The following NR5A2 variants were observed in gnomAD, a reference collection of about 807,000 sequenced individuals.
NR5A2 encodes CYP7A promoter-binding factor.
NR5A2 carries 26 observed loss-of-function variants against 62.7 expected under a neutral mutation model. The ratio of observed to expected loss-of-function variants is 0.41; its 90% confidence interval spans 0.30 to 0.58. The LOEUF (loss-of-function observed/expected upper bound fraction) is 0.58. Ranked by LOEUF, NR5A2 falls within the 20% of genes least tolerant of loss-of-function variation. NR5A2 has a pLI of 0.22. For synonymous variants in NR5A2, 246 were observed against 241.7 expected (o/e 1.02, Z -0.16); for missense variants, 541 against 669.1 (o/e 0.81, Z 2.11).
intron 7 of NR5A2, among the ~76,000 whole-genome samples, chr1:200,124,764 C>T (rs1248469904): frequency 6.6e-6 from 1 of 151,856 alleles, no homozygotes; most frequent in African/African-American, 2.4e-5. Flanking sequence ...CATAGGGAGA[C>T]CCCATCTCTA....
intron 5 of NR5A2, among the ~76,000 whole-genome samples, chr1:200,070,120 G>T (rs1282523476): frequency 6.6e-6 from 1 of 152,036 alleles, no homozygotes. Flanking sequence ...AATTGTGCAG[G>T]GTAGTAGTTT....
chr1:200,086,572 G>A, intron 5 of NR5A2, among the ~76,000 whole-genome samples: 1 of 152,160 alleles, frequency 6.6e-6, no homozygotes. Context: ...CAAAGTGCTG[G>A]GATTGCAGGC....
intron 1 of NR5A2, among the ~76,000 whole-genome samples, chr1:200,033,653 C>T (rs1321574254): frequency 1.3e-5 from 2 of 152,080 alleles, no homozygotes; most frequent in African/African-American, 4.8e-5. Context: ...AGACAAGAAA[C>T]TCTGGAGAAA....
chr1:200,036,158 G>T (rs1661768184), intron 1 of NR5A2, among the ~76,000 whole-genome samples: 1 of 152,136 alleles, frequency 6.6e-6, no homozygotes, highest in Admixed American at 6.5e-5. Flanking sequence ...ACACAGACCC[G>T]GTTCCACCTA....
intron 5 of NR5A2, among the ~76,000 whole-genome samples, chr1:200,059,053 TAAGCC>T (rs1442288398): frequency 6.6e-6 from 1 of 151,976 alleles, no homozygotes. Context: ...GAGGTTGCAG[TAAGCC>T]AAGATCGCAC....
chr1:200,111,099 T>C, intron 5 of NR5A2, 103 bp from the exon 6 acceptor site: 2 of 1,328,064 alleles, frequency 1.5e-6, no homozygotes, highest in Non-Finnish European at 2.0e-6. Flanking sequence ...TTCTTGTTTA[T>C]ATGTAGTCCT....
At position 200,048,670 on chromosome 1, in the gene NR5A2, A is replaced by C. The variant is rs769216513; in HGVS notation, c.962A>C (p.Lys321Thr). 2.5e-6 allele frequency: 4 copies of C among 1,614,118 alleles called. No homozygotes were observed. Among genetic ancestry groups the C allele is most frequent in the African/African-American group, 1.3e-5 (1 of 74,942 alleles). ...CEPDEPQVQA[K>T]IMAYLQQEQA... ...CCAGATGAGCCTCAAGTCCAGGCTAAAATCATGGCCTATTTGCAGCAAGAG... is the reference window on the plus strand; with the variant it reads ...CCAGATGAGCCTCAAGTCCAGGCTACAATCATGGCCTATTTGCAGCAAGAG... The change falls in exon 5 of 8, where the codon AAA (lysine) becomes ACA (threonine). Residue 321 changes from lysine to threonine, a missense_variant. This residue lies in a region of NR5A2 where 379 missense variants were observed against 442.0 expected (regional missense o/e 0.86). Transcript: ENST00000367362. The surrounding 1 kb of genome is among the most constrained non-coding windows in gnomAD (Gnocchi z 4.8).
intron 6 of NR5A2, among the ~76,000 whole-genome samples, chr1:200,119,951 T>C (rs1420933807): frequency 6.6e-6 from 1 of 152,126 alleles, no homozygotes; most frequent in Admixed American, 6.6e-5. Flanking sequence ...AAGCCTTTTC[T>C]TTTTTTGCTT....
In NR5A2 at chr1:200,082,084, G is replaced by A. The variant is rs572619089; in HGVS notation, c.1111-29118G>A. 5.9e-5 allele frequency among the ~76,000 whole-genome samples: 9 copies of A among 152,148 alleles called. 2 individuals carry two copies. The highest frequency in any genetic ancestry group is 9.6e-5 in the African/African-American group (4 of 41,516). On this transcript the variant is annotated intron_variant, in intron 5 of 7. Transcript: ENST00000367362. ...CTATTTAAGAACTTGCTACAACCCC[G>A]TCCTCCCCTCCACACCAACCCCAAA...
chr1:200,113,757 T>C (rs1666072692), intron 6 of NR5A2, among the ~76,000 whole-genome samples: 1 of 152,164 alleles, frequency 6.6e-6, no homozygotes, highest in East Asian at 1.9e-4. Context: ...GAAAATTAGA[T>C]TTTTGCTACA....
At chr1:200,061,779 T>C (rs1663231798) in intron 5 of NR5A2, among the ~76,000 whole-genome samples, 1 of 152,232 alleles carries the variant, frequency 6.6e-6, no homozygotes, top group Non-Finnish European at 1.5e-5. Flanking sequence ...CAGATGTAAC[T>C]GGCCTTTCAT....
intron 5 of NR5A2, among the ~76,000 whole-genome samples, chr1:200,074,884 A>T (rs1663957264): frequency 6.6e-6 from 1 of 151,662 alleles, no homozygotes; most frequent in Non-Finnish European, 1.5e-5. Context: ...AGACTGAATG[A>T]TTATTTTTTA....
chr1:200,064,801 T>C (rs1558116549), intron 5 of NR5A2, among the ~76,000 whole-genome samples: 1 of 152,250 alleles, frequency 6.6e-6, no homozygotes, highest in Non-Finnish European at 1.5e-5. Context: ...GGAGTTGGTA[T>C]CTTTTATGTC....
chr1:200,144,229 T>TCA (rs770054105), intron 7 of NR5A2, among the ~76,000 whole-genome samples: 1,302 of 127,006 alleles, frequency 0.01, 16 homozygotes, highest in African/African-American at 0.037. Flanking sequence ...TCTCTCTCTC[T>TCA]CTCTCACACA....
At chr1:200,094,524 C>CTTTTTTTTTTTTTT (rs373809748) in intron 5 of NR5A2, among the ~76,000 whole-genome samples, 4 of 59,812 alleles carry the variant, frequency 6.7e-5, no homozygotes, top group African/African-American at 3.0e-4. Flanking sequence ...TTAAATGCCA[C>CTTTTTTTTTTTTTT]TTTTTTTTTT....
At chr1:200,092,514 G>A (rs371822710) in intron 5 of NR5A2, among the ~76,000 whole-genome samples, 6 of 152,258 alleles carry the variant, frequency 3.9e-5, no homozygotes, top group African/African-American at 1.4e-4. Context: ...TGATCTGATA[G>A]CTCATTGGCG....
In NR5A2 at chr1:200,039,549, C is replaced by A; in HGVS notation, c.65-109C>A. 1 of 1,529,450 alleles carries A rather than the reference C, an allele frequency of 6.5e-7. No individual in the cohort carries two copies. Among genetic ancestry groups the A allele is most frequent in the Admixed American group, 1.8e-5 (1 of 57,112 alleles). 94.7% of individuals were successfully genotyped at this position (1,529,450 alleles called of 1,614,324 possible). A position where few individuals can be genotyped will look rare whatever the true frequency, so the allele number is the denominator to read the frequency against. On this transcript the variant is annotated intron_variant, in intron 1 of 7. Coordinates refer to ENST00000367362, the MANE Select transcript of NR5A2 (RefSeq NM_205860.3). The surrounding 1 kb of genome is among the most constrained non-coding windows in gnomAD (Gnocchi z 5.1). ...GCTCAGAGGTCCTGCCCGGCAGCCC[C>A]GAGGAGGCGGAGGCACGCTCCGGCG... is the stretch of plus-strand genomic sequence containing the variant.
chr1:200,096,354 C>T (rs1163858194), intron 5 of NR5A2, among the ~76,000 whole-genome samples: 2 of 152,168 alleles, frequency 1.3e-5, no homozygotes, highest in Admixed American at 6.5e-5. Context: ...TCCCAAAGTG[C>T]TGAGATTACA....
chr1:200,038,644 A>G, intron 1 of NR5A2: 1 of 1,210,920 alleles, frequency 8.3e-7, no homozygotes. Context: ...CATCCGACAC[A>G]CTAGCAAGGG....
Sources: gnomAD v4.1 joint callset for allele counts (sites outside exome capture counted in the v4.1 genomes callset) on GRCh38, gnomAD v4.1.1 for gene constraint, gnomAD v4.1.1 regional missense constraint, Gnocchi (gnomAD v3.1) non-coding constraint, MANE v1.5 for transcripts, NCBI Gene and HGNC (gene_info 2026-07-23, HGNC 2026-07-21) for gene names.